The following HECW2 variants were observed in gnomAD, a reference collection of about 807,000 sequenced individuals.
The protein encoded by HECW2 is HECT, C2 and WW domain containing E3 ubiquitin protein ligase 2, also known as E3 ubiquitin-protein ligase HECW2.
A neutral mutation model predicts 175.2 loss-of-function variants in HECW2; 61 were observed. The observed-to-expected ratio is 0.35, with a 90% CI of 0.28 to 0.43. The LOEUF is 0.43. Among genes scored for constraint, HECW2 ranks in the 20% least tolerant of loss-of-function variants. HECW2 has a pLI of 1.00. For missense variants in HECW2, 1,524 were observed against 2,000.5 expected, an observed-to-expected ratio of 0.76 and a Z score of 4.54; for synonymous variants, 671 against 731.0, an observed-to-expected ratio of 0.92 and a Z score of 1.32.
At chr2:196,217,393 C>A in intron 26 of HECW2, 2 of 266,798 alleles carry the variant, frequency 7.5e-6, no homozygotes, top group South Asian at 7.9e-5. Flanking sequence ...CTGTAAAATA[C>A]AACAGTTGTT....
In HECW2 at chr2:196,458,556, T is replaced by G. The variant is rs556893022; in HGVS notation, c.-35-25098A>C. 7.2e-5 allele frequency among the ~76,000 whole-genome samples: 11 copies of G among 152,078 alleles called. No homozygotes were observed. The South Asian group carries it at 2.1e-3, about 29-fold the overall frequency. On this transcript the variant is annotated intron_variant, in intron 1 of 28. Coordinates refer to ENST00000644978, the MANE Select transcript of HECW2 (RefSeq NM_001348768.2). ...CTAAAAAGCTCCAGATGGAAAACTG[T>G]GAAACCAGATGATAAAGATGACAAG...
intron 1 of HECW2, among the ~76,000 whole-genome samples, chr2:196,545,476 T>C (rs1445495975): frequency 6.6e-6 from 1 of 152,134 alleles, no homozygotes; most frequent in Non-Finnish European, 1.5e-5. Context: ...AAGTCCTGAT[T>C]AATAGATGAG....
chr2:196,240,275 A>G, intron 21 of HECW2, 174 bp downstream of exon 21: 1 of 401,462 alleles, frequency 2.5e-6, no homozygotes, highest in Non-Finnish European at 4.4e-6. Context: ...ATGTCAAGTG[A>G]TTTAAAAGCC....
intron 2 of HECW2, among the ~76,000 whole-genome samples, chr2:196,371,847 T>C (rs1346489887): frequency 5.3e-5 from 8 of 152,202 alleles, no homozygotes; most frequent in Non-Finnish European, 1.2e-4. Flanking sequence ...CATAATTACT[T>C]ACTGTGAATC....
intron 1 of HECW2, among the ~76,000 whole-genome samples, chr2:196,447,144 G>A (rs147987106): frequency 2.1e-4 from 32 of 151,888 alleles, no homozygotes; most frequent in African/African-American, 7.5e-4. Context: ...TTCAAATACT[G>A]GGATAAAAAA....
intron 2 of HECW2, among the ~76,000 whole-genome samples, chr2:196,350,911 C>T (rs527605570): frequency 2.6e-5 from 4 of 152,312 alleles, no homozygotes; most frequent in Non-Finnish European, 4.4e-5. Context: ...GAAGAGTTTA[C>T]GGAGATCTCC....
intron 2 of HECW2, among the ~76,000 whole-genome samples, chr2:196,373,066 T>C (rs1693951432): frequency 6.6e-6 from 1 of 152,206 alleles, no homozygotes; most frequent in Non-Finnish European, 1.5e-5. Context: ...AGCTCAGATA[T>C]GAGTGTTGTT....
At chr2:196,298,603 T>C (rs532261481) in intron 13 of HECW2, among the ~76,000 whole-genome samples, 88 of 152,300 alleles carry the variant, frequency 5.8e-4, no homozygotes, top group African/African-American at 2.0e-3. Flanking sequence ...ACCCATTAAC[T>C]CGTCATTTAC....
At chr2:196,278,133 A>AAAAAAAAAATATATATATATAT (rs531920307) in intron 15 of HECW2, among the ~76,000 whole-genome samples, 13 of 66,568 alleles carry the variant, frequency 2.0e-4, no homozygotes, top group African/African-American at 5.3e-4. Flanking sequence ...ATAATTAAAA[A>AAAAAAAAAATATATATATATAT]ATATATATAT....
At chr2:196,320,747 G>A (rs1691911067) in intron 7 of HECW2, among the ~76,000 whole-genome samples, 1 of 152,182 alleles carries the variant, frequency 6.6e-6, no homozygotes, top group Admixed American at 6.5e-5. Context: ...AGGGTGACCA[G>A]GAAAAGGACA....
At chr2:196,219,533 G>T (rs1014122610) in intron 26 of HECW2, among the ~76,000 whole-genome samples, 7 of 152,140 alleles carry the variant, frequency 4.6e-5, no homozygotes, top group African/African-American at 1.7e-4. Flanking sequence ...ATTCATGCTT[G>T]AATTTAGAAC....
At chr2:196,360,303 C>A (rs540709896) in intron 2 of HECW2, among the ~76,000 whole-genome samples, 4 of 152,118 alleles carry the variant, frequency 2.6e-5, no homozygotes, top group Admixed American at 6.5e-5. Flanking sequence ...CCTAAATGCC[C>A]ATCAATGACA....
intron 2 of HECW2, among the ~76,000 whole-genome samples, chr2:196,371,385 T>C (rs1240655447): frequency 6.6e-6 from 1 of 152,238 alleles, no homozygotes; most frequent in Non-Finnish European, 1.5e-5. Flanking sequence ...TAAAAAAGCA[T>C]AGTAAAAGGA....
intron 1 of HECW2, among the ~76,000 whole-genome samples, chr2:196,469,016 G>C (rs1697076264): frequency 6.6e-6 from 1 of 152,070 alleles, no homozygotes; most frequent in Non-Finnish European, 1.5e-5. Context: ...TCAAGGAGAG[G>C]AGGTGATATG....
chr2:196,480,906 A>T (rs1004924852), intron 1 of HECW2, among the ~76,000 whole-genome samples: 1 of 152,224 alleles, frequency 6.6e-6, no homozygotes, highest in Non-Finnish European at 1.5e-5. Flanking sequence ...ATAGACATAC[A>T]TGCATTGTAC....
intron 1 of HECW2, among the ~76,000 whole-genome samples, chr2:196,480,515 T>G (rs1339282157): frequency 6.6e-6 from 1 of 152,094 alleles, no homozygotes; most frequent in East Asian, 1.9e-4. Flanking sequence ...CCAGCCACAG[T>G]GATGGGTTCT....
At chr2:196,345,219 G>A (rs1692909580) in intron 2 of HECW2, among the ~76,000 whole-genome samples, 1 of 152,190 alleles carries the variant, frequency 6.6e-6, no homozygotes, top group South Asian at 2.1e-4. Flanking sequence ...ATACTTAGAT[G>A]GTACTCGGGC....
Position 196,201,148 on chromosome 2 carries a change from C to A in HECW2, c.*129G>T. ...CCCAAATGTGACAGAGCACTTGTTC[C>A]TGGAAAACAACAGCACATAGCTTTA... On this transcript the variant is annotated 3_prime_UTR_variant, in exon 29 of 29. Transcript: ENST00000644978. The A allele has an allele frequency of 1.5e-6, 1 of 669,964 alleles. No homozygotes were observed. 41.5% of individuals were successfully genotyped at this position (669,964 alleles called of 1,614,324 possible).
chr2:196,590,601 G>T (rs149507215), intron 1 of HECW2, among the ~76,000 whole-genome samples: 2 of 152,272 alleles, frequency 1.3e-5, no homozygotes, highest in African/African-American at 4.8e-5. Flanking sequence ...CTGGTTAGAG[G>T]TTACACAGAT....
Sources: gnomAD v4.1 joint callset for allele counts (sites outside exome capture counted in the v4.1 genomes callset) on GRCh38, gnomAD v4.1.1 for gene constraint, MANE v1.5 for transcripts, NCBI Gene and HGNC (gene_info 2026-07-23, HGNC 2026-07-21) for gene names.